Variants in LRP1B observed in about 807,000 individuals in gnomAD.
LRP1B encodes LDL receptor related protein 1B.
In LRP1B, 217 loss-of-function variants were observed where a neutral mutation model predicts 556.6. The observed-to-expected ratio is 0.39, with a 90% CI of 0.35 to 0.44. The LOEUF is 0.44. Among genes scored for constraint, LRP1B ranks in the 20% least tolerant of loss-of-function variants. The probability of loss-of-function intolerance (pLI) is 1.00; values close to 1 mark genes in which losing one functional copy is unlikely to be tolerated. For synonymous variants in LRP1B, 2,047 were observed against 1,865.8 expected (o/e 1.10, Z -2.50); for missense variants, 5,053 against 5,620.8 (o/e 0.90, Z 3.23).
chr2:140,402,766 A>G (rs1390951429), intron 66 of LRP1B, among the ~76,000 whole-genome samples: 1 of 152,182 alleles, frequency 6.6e-6, no homozygotes, highest in Non-Finnish European at 1.5e-5. Flanking sequence ...GCATTTATCT[A>G]TCTGCTTTAC....
chr2:141,978,840 G>A (rs947820282), intron 1 of LRP1B, among the ~76,000 whole-genome samples: 16 of 152,074 alleles, frequency 1.1e-4, no homozygotes, highest in African/African-American at 3.6e-4. Flanking sequence ...TGTGGGATAT[G>A]AATACATGTG....
At chr2:141,232,665 C>A (rs919337373) in intron 5 of LRP1B, among the ~76,000 whole-genome samples, 1 of 152,080 alleles carries the variant, frequency 6.6e-6, no homozygotes, top group East Asian at 1.9e-4. Context: ...AAAAACATAT[C>A]GACCACTAAT....
At chr2:141,016,109 T>A (rs1303295829) in intron 12 of LRP1B, among the ~76,000 whole-genome samples, 194 bp from the exon 13 acceptor site, 1 of 152,106 alleles carries the variant, frequency 6.6e-6, no homozygotes, top group African/African-American at 2.4e-5. Context: ...GGTAGAACTG[T>A]GCATTTACAC....
At chr2:140,880,640 G>T (rs150836449) in intron 25 of LRP1B, among the ~76,000 whole-genome samples, 228 of 152,238 alleles carry the variant, frequency 1.5e-3, no homozygotes, top group African/African-American at 5.3e-3. Flanking sequence ...CTTGATTGCT[G>T]TAGAAACCTC....
At chr2:142,017,071 T>G (rs1418710363) in intron 1 of LRP1B, among the ~76,000 whole-genome samples, 1 of 151,852 alleles carries the variant, frequency 6.6e-6, no homozygotes, top group Non-Finnish European at 1.5e-5. Flanking sequence ...ATGGCTTTGT[T>G]ATGCTAGGAT....
At chr2:141,139,848 A>G (rs1009226464) in intron 7 of LRP1B, among the ~76,000 whole-genome samples, 4 of 151,384 alleles carry the variant, frequency 2.6e-5, no homozygotes, top group Non-Finnish European at 5.9e-5. Context: ...TTCTACTCAC[A>G]TTTACCAAGA....
At position 140,492,696 on chromosome 2, in the gene LRP1B, A is replaced by G; in HGVS notation, c.9035-3T>C. 2 of 1,589,452 alleles carry G rather than the reference A, an allele frequency of 1.3e-6. No individual in the cohort carries two copies. Among genetic ancestry groups the G allele is most frequent in the Non-Finnish European group, 1.7e-6 (2 of 1,157,678 alleles). On this transcript the variant is annotated splice_polypyrimidine_tract_variant and splice_region_variant and intron_variant, in intron 56 of 90. Transcript: ENST00000389484. ...AAGAATTAAAAAAGGTTCTTCATCT[A>G]AACACCAACACAAATAACATATTAG...
intron 79 of LRP1B, among the ~76,000 whole-genome samples, chr2:140,331,114 A>C (rs1254404232): frequency 1.3e-5 from 2 of 152,182 alleles, no homozygotes; most frequent in African/African-American, 2.4e-5. Context: ...GTAAAGATAC[A>C]CACATGTGTA....
intron 2 of LRP1B, among the ~76,000 whole-genome samples, chr2:141,666,122 TATAAA>T (rs548929058): frequency 2.6e-5 from 4 of 152,142 alleles, no homozygotes; most frequent in Admixed American, 6.6e-5. Context: ...CCCCAGAACT[TATAAA>T]ATAAAATAAT....
intron 49 of LRP1B, among the ~76,000 whole-genome samples, chr2:140,524,912 T>G (rs1354895617): frequency 6.6e-6 from 1 of 151,808 alleles, no homozygotes; most frequent in Non-Finnish European, 1.5e-5. Context: ...ACCCAAGTAA[T>G]AAGCCTGCAC....
intron 1 of LRP1B, among the ~76,000 whole-genome samples, chr2:141,880,752 C>G (rs899584914): frequency 6.6e-6 from 1 of 151,968 alleles, no homozygotes; most frequent in East Asian, 1.9e-4. Flanking sequence ...TATGACCCAA[C>G]AGTAAGAGAG....
intron 46 of LRP1B, 35 bp downstream of exon 46, chr2:140,536,546 T>C (rs936720560): frequency 3.2e-6 from 5 of 1,582,170 alleles, no homozygotes; most frequent in South Asian, 1.2e-5. Context: ...CAGAAAACTT[T>C]ATCTGAAACG....
intron 2 of LRP1B, among the ~76,000 whole-genome samples, chr2:141,807,828 C>T (rs1461451789): frequency 6.6e-6 from 1 of 151,954 alleles, no homozygotes; most frequent in Non-Finnish European, 1.5e-5. Context: ...TGAGTAGATG[C>T]CTAATCAATC....
At chr2:140,358,978 C>A in intron 72 of LRP1B, 32 bp from the exon 73 acceptor site, 1 of 1,595,234 alleles carries the variant, frequency 6.3e-7, no homozygotes, top group South Asian at 1.1e-5. Flanking sequence ...CAAAGAAGCT[C>A]CTTCGAGTAC....
intron 3 of LRP1B, among the ~76,000 whole-genome samples, chr2:141,447,441 A>T (rs910899601): frequency 2.6e-5 from 4 of 151,528 alleles, no homozygotes; most frequent in Non-Finnish European, 5.9e-5. Flanking sequence ...TTCTCCATCT[A>T]GTTTTGTGCC....
intron 2 of LRP1B, among the ~76,000 whole-genome samples, chr2:141,516,600 A>T (rs570981352): frequency 1.9e-3 from 294 of 152,118 alleles, no homozygotes; most frequent in African/African-American, 6.8e-3. Flanking sequence ...GGCTGCAGGG[A>T]GCCATGATTG....
intron 1 of LRP1B, among the ~76,000 whole-genome samples, chr2:141,863,742 T>C (rs567676314): frequency 6.6e-6 from 1 of 152,294 alleles, no homozygotes; most frequent in Admixed American, 6.5e-5. Context: ...TTTGAAGTAA[T>C]TGCTACTTGT....
chr2:141,055,439 C>G (rs1454049275), intron 9 of LRP1B, among the ~76,000 whole-genome samples, 180 bp from the exon 10 acceptor site: 1 of 151,770 alleles, frequency 6.6e-6, no homozygotes, highest in African/African-American at 2.4e-5. Flanking sequence ...GAAGAGGAGA[C>G]AGGGATTTGA....
At position 141,781,721 on chromosome 2, in the gene LRP1B, T is replaced by G. The variant is rs13416257; in HGVS notation, c.205+28558A>C. Among the ~76,000 whole-genome samples the G allele has an allele frequency of 7.2e-5, 11 of 152,054 alleles. No homozygotes were observed. In the East Asian group the frequency reaches 2.1e-3, roughly 29 times the overall value. ...GGCTTTATTCCAAATTTAGGAAGAC[T>G]CTTTGGAGTTACACAGACATAGATA... On this transcript the variant is annotated intron_variant, in intron 2 of 90. Coordinates refer to ENST00000389484, the MANE Select transcript of LRP1B (RefSeq NM_018557.3).
Sources: allele counts gnomAD v4.1 joint callset (sites outside exome capture counted in the v4.1 genomes callset), GRCh38; gene constraint gnomAD v4.1.1; transcripts MANE v1.5; gene names NCBI Gene and HGNC (gene_info 2026-07-23, HGNC 2026-07-21).